STARD13: variants seen among roughly 807,000 people sequenced by gnomAD.
The protein encoded by STARD13 is StAR related lipid transfer domain containing 13, also known as stAR-related lipid transfer protein 13.
STARD13 carries 62 observed loss-of-function variants against 106.4 expected under a neutral mutation model. That is an observed-to-expected ratio of 0.58 (90% CI 0.48 to 0.72). The LOEUF (loss-of-function observed/expected upper bound fraction) is 0.72, where lower values mean the gene tolerates loss of function less well. Among genes scored for constraint, STARD13 ranks in the 30% least tolerant of loss-of-function variants. STARD13 has a pLI of 0.00. For synonymous variants in STARD13, 565 were observed against 553.0 expected (o/e 1.02, Z -0.31); for missense variants, 1,387 against 1,424.0 (o/e 0.97, Z 0.42).
chr13:33,462,708 A>G, the STARD13 span, among the ~76,000 whole-genome samples: 1 of 152,190 alleles, frequency 6.6e-6, no homozygotes, highest in African/African-American at 2.4e-5. Flanking sequence ...TGGGAGAAAG[A>G]TGAAGGCGGG....
the STARD13 span, among the ~76,000 whole-genome samples, chr13:33,406,206 A>G: frequency 1.3e-5 from 2 of 152,236 alleles, no homozygotes; most frequent in Non-Finnish European, 2.9e-5. Context: ...AAGGCTAACA[A>G]GGGCTTTCTA....
At chr13:33,622,152 TC>T in the STARD13 span, among the ~76,000 whole-genome samples, 1 of 152,024 alleles carries the variant, frequency 6.6e-6, no homozygotes, top group South Asian at 2.1e-4. Context: ...AAGAAAAAAA[TC>T]AACCAATTCC....
Position 33,129,833 on chromosome 13 carries a change from C to A in STARD13, c.844G>T (p.Gly282Cys). The A allele has an allele frequency of 6.2e-7, 1 of 1,613,132 alleles. No individual in the cohort carries two copies. ...ATGGGCCCACTGATCACCAGGCCAC[C>A]TGTCCGCCCAGACCCCTTATGCCTC... ...HGRHKGSGRT[G>C]GLVISGPMLQ... The change falls in exon 5 of 14, where the codon GGT becomes TGT. Residue 282 changes from glycine (G) to cysteine (C), a missense_variant. By Grantham distance (159) the Gly-to-Cys change is radical. Coordinates refer to ENST00000336934, the MANE Select transcript of STARD13 (RefSeq NM_178006.4).
At chr13:33,441,680 T>C in the STARD13 span, among the ~76,000 whole-genome samples, 74,272 of 152,048 alleles carry the variant, frequency 0.49, 18,903 homozygotes, top group African/African-American at 0.63. Flanking sequence ...GTACACAGTA[T>C]TCTACAAGAG....
At chr13:33,115,901 C>T (rs1240925788) in intron 8 of STARD13, among the ~76,000 whole-genome samples, 1 of 152,186 alleles carries the variant, frequency 6.6e-6, no homozygotes, top group Non-Finnish European at 1.5e-5. Context: ...CTGACTTTAG[C>T]CCTGGCATCA....
chr13:33,644,627 G>C, the STARD13 span, among the ~76,000 whole-genome samples: 1 of 152,156 alleles, frequency 6.6e-6, no homozygotes, highest in African/African-American at 2.4e-5. Flanking sequence ...GGGGAGGTCA[G>C]TTCCTAGAGC....
At chr13:33,200,392 C>G (rs570903617) in intron 1 of STARD13, among the ~76,000 whole-genome samples, 1 of 152,308 alleles carries the variant, frequency 6.6e-6, no homozygotes, top group Non-Finnish European at 1.5e-5. Flanking sequence ...CGTGCCAGCC[C>G]CTTGAAGTCT....
At chr13:33,137,049 G>A (rs368744519) in intron 4 of STARD13, among the ~76,000 whole-genome samples, 2 of 152,308 alleles carry the variant, frequency 1.3e-5, no homozygotes, top group East Asian at 3.9e-4. Context: ...TGTTATATTT[G>A]TTTTGATTAT....
At chr13:33,197,416 T>TTGTGTGTGTGTG (rs142681141) in intron 1 of STARD13, among the ~76,000 whole-genome samples, 109 of 148,128 alleles carry the variant, frequency 7.4e-4, no homozygotes, top group Middle Eastern at 3.4e-3. Flanking sequence ...AGGAAGAGAG[T>TTGTGTGTGTGTG]TGTGTGTGTG....
At chr13:33,500,805 T>A in the STARD13 span, among the ~76,000 whole-genome samples, 3 of 152,116 alleles carry the variant, frequency 2.0e-5, no homozygotes, top group African/African-American at 7.2e-5. Context: ...AGCAGTGAGA[T>A]AGAAAATTCT....
the STARD13 span, among the ~76,000 whole-genome samples, chr13:33,597,572 G>A: frequency 4.6e-5 from 7 of 151,974 alleles, no homozygotes; most frequent in Non-Finnish European, 7.4e-5. Flanking sequence ...GCAACCAGGC[G>A]CGGTGGCTCA....
chr13:33,457,631 A>G, the STARD13 span, among the ~76,000 whole-genome samples: 1 of 152,188 alleles, frequency 6.6e-6, no homozygotes, highest in East Asian at 1.9e-4. Flanking sequence ...ACAGTCCGGG[A>G]GGCTGGAAAG....
At chr13:33,264,955 C>T (rs1890826209) in intron 1 of STARD13, among the ~76,000 whole-genome samples, 1 of 152,120 alleles carries the variant, frequency 6.6e-6, no homozygotes, top group Non-Finnish European at 1.5e-5. Flanking sequence ...CATTGCTTTC[C>T]AAACAGGAGT....
the STARD13 span, among the ~76,000 whole-genome samples, chr13:33,517,257 G>A: frequency 6.6e-6 from 1 of 151,824 alleles, no homozygotes; most frequent in Non-Finnish European, 1.5e-5. Context: ...TAACATCACC[G>A]CTGAACAGCT....
chr13:33,224,203 A>C (rs1888500419), intron 1 of STARD13, among the ~76,000 whole-genome samples: 1 of 152,220 alleles, frequency 6.6e-6, no homozygotes, highest in Admixed American at 6.5e-5. Context: ...GGAGAAACAA[A>C]GGTAGGAAAC....
At chr13:33,612,628 G>T in the STARD13 span, among the ~76,000 whole-genome samples, 1 of 152,122 alleles carries the variant, frequency 6.6e-6, no homozygotes, top group Non-Finnish European at 1.5e-5. Context: ...CCCCTTCTGG[G>T]AATATACCCA....
At chr13:33,117,633 C>A in intron 8 of STARD13, 1 of 978,252 alleles carries the variant, frequency 1.0e-6, no homozygotes, top group Non-Finnish European at 1.2e-6. Flanking sequence ...TGCTAAAATA[C>A]ATTTGTTTTT....
At chr13:33,507,997 A>G in the STARD13 span, among the ~76,000 whole-genome samples, 3 of 152,172 alleles carry the variant, frequency 2.0e-5, no homozygotes, top group Non-Finnish European at 2.9e-5. Context: ...TGTGCAGTTC[A>G]AGCCCGTGTT....
the STARD13 span, among the ~76,000 whole-genome samples, chr13:33,365,011 C>A: frequency 6.6e-6 from 1 of 152,262 alleles, no homozygotes; most frequent in Non-Finnish European, 1.5e-5. Flanking sequence ...GGAGTAGGAA[C>A]AGAAACTGCG....
Sources: gnomAD v4.1 joint callset for allele counts (sites outside exome capture counted in the v4.1 genomes callset) on GRCh38, gnomAD v4.1.1 for gene constraint, MANE v1.5 for transcripts, NCBI Gene and HGNC (gene_info 2026-07-23, HGNC 2026-07-21) for gene names.